Variants in BAZ2B observed in about 807,000 individuals in gnomAD.
BAZ2B encodes the protein bromodomain adjacent to zinc finger domain protein 2B.
Under a neutral mutation model 246.0 loss-of-function variants are expected in BAZ2B, and 91 were observed. That is an observed-to-expected ratio of 0.37 (90% confidence interval 0.31 to 0.44). BAZ2B has a LOEUF of 0.44. Ranked by LOEUF, BAZ2B falls within the 20% of genes least tolerant of loss-of-function variation. BAZ2B has a pLI of 1.00. For missense variants in BAZ2B, 2,332 were observed against 2,533.7 expected, an observed-to-expected ratio of 0.92 and a Z score of 1.71; for synonymous variants, 855 against 860.0, an observed-to-expected ratio of 0.99 and a Z score of 0.10.
chr2:159,492,802 A>G (rs997071924), intron 2 of BAZ2B, among the ~76,000 whole-genome samples: 17 of 152,232 alleles, frequency 1.1e-4, no homozygotes, highest in Non-Finnish European at 1.6e-4. Flanking sequence ...TCATACTTCA[A>G]TGACAGAAGT....
intron 31 of BAZ2B, among the ~76,000 whole-genome samples, chr2:159,341,576 T>C (rs1227602235): frequency 5.3e-5 from 8 of 152,156 alleles, no homozygotes; most frequent in African/African-American, 1.9e-4. Flanking sequence ...ATACACATTA[T>C]TTTCATCAGC....
At chr2:159,607,067 C>G (rs1693675031) in intron 1 of BAZ2B, among the ~76,000 whole-genome samples, 1 of 151,990 alleles carries the variant, frequency 6.6e-6, no homozygotes, top group African/African-American at 2.4e-5. Context: ...GTTGACCAGG[C>G]TGGTCTCAAA....
intron 1 of BAZ2B, among the ~76,000 whole-genome samples, chr2:159,566,257 C>T (rs927034786): frequency 6.6e-6 from 1 of 152,092 alleles, no homozygotes; most frequent in Non-Finnish European, 1.5e-5. Flanking sequence ...GTTATCCACC[C>T]GCCTCAGCCT....
In BAZ2B at chr2:159,326,072, A is replaced by AT. The variant is rs2063677260; in HGVS notation, c.5944-155dup. Among the ~76,000 whole-genome samples the AT allele has an allele frequency of 2.0e-5, 3 of 152,266 alleles. No individual in the cohort carries two copies. The South Asian group carries it at 6.2e-4, about 32-fold the overall frequency. ...TATTATTCTTAAGAAAGATCTGTGT[A>AT]TTTTTTCCTCTCATAATATAAGGAT... is the stretch of plus-strand genomic sequence containing the variant. On this transcript the variant is annotated intron_variant, in intron 34 of 36. Transcript: ENST00000392783.
At chr2:159,651,128 TG>T in the BAZ2B span, among the ~76,000 whole-genome samples, 1 of 152,120 alleles carries the variant, frequency 6.6e-6, no homozygotes, top group Admixed American at 6.5e-5. Flanking sequence ...CTCACTTATG[TG>T]GGGAATCATA....
At chr2:159,695,026 T>A in the BAZ2B span, 1 of 152,236 alleles carries the variant, frequency 6.6e-6, no homozygotes, top group African/African-American at 2.4e-5. Context: ...TGTGTGTGAA[T>A]AAATACTTCC....
chr2:159,553,769 C>T (rs971202911), intron 2 of BAZ2B, among the ~76,000 whole-genome samples: 1 of 152,112 alleles, frequency 6.6e-6, no homozygotes, highest in Admixed American at 6.5e-5. Flanking sequence ...TACTACACTT[C>T]AGCTCTGAAA....
rs935226617 is a variant in BAZ2B, at chr2:159,557,816, G to A, written c.-45-1951C>T. On this transcript the variant is annotated intron_variant, in intron 1 of 36. Coordinates refer to ENST00000392783, the MANE Select transcript of BAZ2B (RefSeq NM_013450.4). ...AGAGCTACAAAGGATCCAAAAGAAA[G>A]TTTAAATAAAAACTCTTCAAGAATT... Among the ~76,000 whole-genome samples, 6 of 152,004 alleles carry A rather than the reference G, an allele frequency of 3.9e-5. No individual in the cohort carries two copies. The East Asian group carries it at 7.7e-4, about 20-fold the overall frequency.
the BAZ2B span, among the ~76,000 whole-genome samples, chr2:159,654,151 A>G: frequency 6.6e-6 from 1 of 152,188 alleles, no homozygotes; most frequent in Non-Finnish European, 1.5e-5. Context: ...CTCTCATTAC[A>G]TGTTGTAATA....
intron 2 of BAZ2B, among the ~76,000 whole-genome samples, chr2:159,548,587 C>T (rs1325289144): frequency 2.0e-5 from 3 of 152,122 alleles, no homozygotes; most frequent in Non-Finnish European, 4.4e-5. Context: ...TAAATATTAG[C>T]TTTGTTCTTC....
the BAZ2B span, among the ~76,000 whole-genome samples, chr2:159,708,860 C>T: frequency 6.6e-6 from 1 of 151,986 alleles, no homozygotes; most frequent in Admixed American, 6.6e-5. Flanking sequence ...CTACATCTGG[C>T]CTCTATATCC....
chr2:159,673,661 A>G, the BAZ2B span, among the ~76,000 whole-genome samples: 1 of 148,984 alleles, frequency 6.7e-6, no homozygotes, highest in African/African-American at 2.6e-5. Flanking sequence ...CACATCACAA[A>G]TTATGTAGCT....
rs767922348 is a variant in BAZ2B, at chr2:159,433,019, G to A, written c.1638C>T (p.Gly546=). ...CAGAGGGCATTACAGGTGTCTGATT[G>A]CCAGGGGTTCTTCTCCCACTTGTAC... is the stretch of plus-strand genomic sequence containing the variant. ...NLSTSGRRTP[G]NQTPVMPSAS... is the part of the protein sequence containing the mutation. Residue 546 remains glycine (G), a synonymous_variant, in exon 9 of 37, where the codon GGC becomes GGT. Transcript: ENST00000392783. 3 of 1,614,042 alleles carry A rather than the reference G, an allele frequency of 1.9e-6. No homozygotes were observed. The highest frequency in any genetic ancestry group is 2.5e-6 in the Non-Finnish European group (3 of 1,180,006).
Position 159,557,829 on chromosome 2 carries a change from CTCT to C in BAZ2B, c.-45-1967_-45-1965del, listed in dbSNP as rs151220339. Among the ~76,000 whole-genome samples the C allele has an allele frequency of 7.9e-3, 1,206 of 152,224 alleles. 21 individuals carry two copies. The highest frequency in any genetic ancestry group is 0.027 in the African/African-American group (1,131 of 41,530). On this transcript the variant is annotated intron_variant, in intron 1 of 36. Coordinates refer to ENST00000392783, the MANE Select transcript of BAZ2B (RefSeq NM_013450.4). ...ATCCAAAAGAAAGTTTAAATAAAAA[CTCT>C]TCAAGAATTACTATCTATTTAAAGA...
intron 2 of BAZ2B, among the ~76,000 whole-genome samples, chr2:159,519,205 A>ATTTTTTTTTTTTT (rs2083771094): frequency 1.8e-5 from 1 of 56,492 alleles, no homozygotes; most frequent in Non-Finnish European, 3.6e-5. Context: ...TTCATATTCT[A>ATTTTTTTTTTTTT]TTTTCTTTTT....
chr2:159,645,814 T>C, the BAZ2B span, among the ~76,000 whole-genome samples: 9 of 151,984 alleles, frequency 5.9e-5, no homozygotes, highest in African/African-American at 2.2e-4. Flanking sequence ...AACCAGCAAG[T>C]TTTTATTAGG....
the BAZ2B span, among the ~76,000 whole-genome samples, chr2:159,699,345 C>T: frequency 6.6e-6 from 1 of 152,076 alleles, no homozygotes; most frequent in African/African-American, 2.4e-5. Flanking sequence ...GAGTTTGAGA[C>T]AAGCCTGGGC....
At chr2:159,328,132 A>AT (rs2064043977) in intron 34 of BAZ2B, among the ~76,000 whole-genome samples, 3 of 150,786 alleles carry the variant, frequency 2.0e-5, no homozygotes, top group Admixed American at 2.0e-4. Context: ...AAAACTTGTG[A>AT]TTTTTTAAAG....
intron 2 of BAZ2B, among the ~76,000 whole-genome samples, chr2:159,498,074 G>A (rs1053761612): frequency 2.0e-5 from 3 of 152,118 alleles, no homozygotes; most frequent in African/African-American, 4.8e-5. Flanking sequence ...TGAATACACT[G>A]TATTATTCAG....
Sources: allele counts gnomAD v4.1 joint callset (sites outside exome capture counted in the v4.1 genomes callset), GRCh38; gene constraint gnomAD v4.1.1; transcripts MANE v1.5; gene names NCBI Gene and HGNC (gene_info 2026-07-23, HGNC 2026-07-21).